Variants in DLGAP5 observed in about 807,000 individuals in gnomAD.
DLGAP5 encodes disks large-associated protein 5.
Under a neutral mutation model 99.6 loss-of-function variants are expected in DLGAP5, and 90 were observed. The ratio of observed to expected loss-of-function variants is 0.90; its 90% CI spans 0.76 to 1.08. The LOEUF (loss-of-function observed/expected upper bound fraction) is 1.08. Among genes scored for constraint, DLGAP5 ranks in the 50% least tolerant of loss-of-function variants. The pLI is 0.00. For synonymous variants in DLGAP5, 311 were observed against 321.3 expected, an observed-to-expected ratio of 0.97 and a Z score of 0.34; for missense variants, 1,036 against 983.5, an observed-to-expected ratio of 1.05 and a Z score of -0.71.
At chr14:55,155,621 T>C (rs1882189290) in intron 14 of DLGAP5, among the ~76,000 whole-genome samples, 1 of 152,054 alleles carries the variant, frequency 6.6e-6, no homozygotes, top group Non-Finnish European at 1.5e-5. Context: ...GTACTGGGAT[T>C]ACAGGTGTGA....
chr14:55,164,937 A>AAAAAAG (rs371578269), intron 12 of DLGAP5, among the ~76,000 whole-genome samples: 31 of 141,832 alleles, frequency 2.2e-4, no homozygotes, highest in Middle Eastern at 3.5e-3. Flanking sequence ...AAAAAAAAAA[A>AAAAAAG]GAGAAATTTG....
chr14:55,181,285 T>C lies in DLGAP5; in HGVS notation c.508A>G (p.Ser170Gly), dbSNP rs1468632006. Reference sequence around the variant, plus strand: ...CCAGGTCGGATTGCTCGAACATCACTCTCGTTATCAATCTATTTAAGAGAT... The same window carrying C: ...CCAGGTCGGATTGCTCGAACATCACCCTCGTTATCAATCTATTTAAGAGAT... ...QMEQTKIDNE[S>G]DVRAIRPGPR... The change falls in exon 5 of 19, where the codon AGT (serine) becomes GGT (glycine). Residue 170 changes from serine to glycine, a missense_variant. Ser to Gly is a moderately conservative substitution (Grantham distance 56). Transcript: ENST00000247191. The C allele has an allele frequency of 6.2e-7, 1 of 1,613,858 alleles. No individual in the cohort carries two copies. Among genetic ancestry groups the C allele is most frequent in the Non-Finnish European group, 8.5e-7 (1 of 1,179,910 alleles).
rs1882144027 is a variant in DLGAP5 at position 55,154,698 on chromosome 14, G to A, written c.1982C>T (p.Thr661Ile). 12 of 1,613,968 alleles carry A rather than the reference G, an allele frequency of 7.4e-6. No homozygotes were observed. In the South Asian group the frequency reaches 9.9e-5, roughly 13 times the overall value. The change falls in exon 15 of 19, where the codon ACA becomes ATA. Residue 661 changes from threonine (T) to isoleucine (I), a missense_variant. Physicochemically the swap from Thr to Ile is moderately conservative, Grantham distance 89. Transcript: ENST00000247191. ...CTGAGGACCGGCATTTTCTGGTGAT[G>A]TAGTTTGTTGTGGAATGCCCATCTC... ...RNEMGIPQQTTSPENAGPQNT... is the reference protein window; with the variant it reads ...RNEMGIPQQTISPENAGPQNT...
At chr14:55,155,593 C>A (rs1385287330) in intron 14 of DLGAP5, among the ~76,000 whole-genome samples, 1 of 151,964 alleles carries the variant, frequency 6.6e-6, no homozygotes, top group African/African-American at 2.4e-5. Context: ...GGTGATCCAC[C>A]TGCCTCAGCC....
intron 13 of DLGAP5, among the ~76,000 whole-genome samples, chr14:55,161,223 A>T (rs1303957371): frequency 6.6e-6 from 1 of 152,086 alleles, no homozygotes; most frequent in Non-Finnish European, 1.5e-5. Flanking sequence ...TCTATAGGAC[A>T]TAGCCATGAT....
chr14:55,171,619 G>A (rs1034749132), intron 10 of DLGAP5, among the ~76,000 whole-genome samples: 1 of 152,102 alleles, frequency 6.6e-6, no homozygotes, highest in Non-Finnish European at 1.5e-5. Context: ...CTACTTCTGG[G>A]TATACACCCA....
chr14:55,176,717 G>A (rs1477739665), intron 8 of DLGAP5, among the ~76,000 whole-genome samples: 1 of 151,928 alleles, frequency 6.6e-6, no homozygotes, highest in Non-Finnish European at 1.5e-5. Context: ...GGTGGCTCAC[G>A]CCTGTAATCC....
intron 7 of DLGAP5, among the ~76,000 whole-genome samples, chr14:55,177,754 G>A (rs1484720666): frequency 6.6e-6 from 1 of 151,308 alleles, no homozygotes; most frequent in African/African-American, 2.4e-5. Context: ...AGCCAGGATG[G>A]TCTCAATCTC....
At chr14:55,182,116 A>G (rs1022529420) in intron 4 of DLGAP5, among the ~76,000 whole-genome samples, 3 of 152,370 alleles carry the variant, frequency 2.0e-5, no homozygotes, top group South Asian at 4.1e-4. Context: ...CTTGGAATGC[A>G]TAATAGGAGC....
chr14:55,175,957 T>C lies in DLGAP5; in HGVS notation c.1111A>G (p.Thr371Ala), dbSNP rs1316449193. ...AATTTATTTGAATCTTGCTGTATTG[T>C]CTTGGTAGAGTAAGTTTTACATTTT... is the stretch of plus-strand genomic sequence containing the variant. ...AQKCKTYSTKTIQQDSNKLPC... is the reference protein window; with the variant it reads ...AQKCKTYSTKAIQQDSNKLPC... The change falls in exon 9 of 19, where the codon ACA becomes GCA. Residue 371 changes from threonine to alanine, a missense_variant. Transcript: ENST00000247191. 3 of 1,610,034 alleles carry C rather than the reference T, an allele frequency of 1.9e-6. No homozygotes were observed. The Admixed American group carries it at 5.0e-5, about 27-fold the overall frequency.
At chr14:55,148,640 AC>A in intron 18 of DLGAP5, 167 bp from the exon 19 acceptor site, 2 of 1,462,454 alleles carry the variant, frequency 1.4e-6, no homozygotes, top group Non-Finnish European at 1.8e-6. Context: ...GATCACTTGA[AC>A]CCAGGACTTC....
intron 2 of DLGAP5, among the ~76,000 whole-genome samples, chr14:55,187,708 C>G (rs1431768631): frequency 6.6e-6 from 1 of 151,902 alleles, no homozygotes; most frequent in Non-Finnish European, 1.5e-5. Context: ...ACCATTGTAG[C>G]ACACTGAAGC....
intron 12 of DLGAP5, among the ~76,000 whole-genome samples, chr14:55,164,884 T>C (rs1419288211): frequency 2.1e-5 from 3 of 144,342 alleles, no homozygotes; most frequent in African/African-American, 8.0e-5. Flanking sequence ...ATCATGCCAC[T>C]GCACTCTAGC....
At chr14:55,157,611 G>T (rs536700229) in intron 14 of DLGAP5, among the ~76,000 whole-genome samples, 1 of 152,082 alleles carries the variant, frequency 6.6e-6, no homozygotes, top group South Asian at 2.1e-4. Flanking sequence ...AACACTGTGA[G>T]AAAATCACAA....
At chr14:55,182,943 G>C (rs1883323665) in intron 3 of DLGAP5, among the ~76,000 whole-genome samples, 1 of 152,068 alleles carries the variant, frequency 6.6e-6, no homozygotes, top group Non-Finnish European at 1.5e-5. Context: ...GCCCACACAA[G>C]TTTAAGATTT....
chr14:55,190,945 C>T (rs1883595170), intron 1 of DLGAP5: 1 of 152,200 alleles, frequency 6.6e-6, no homozygotes, highest in Non-Finnish European at 1.5e-5. Context: ...ATCAGAATAA[C>T]CCTGAAAGGT....
intron 14 of DLGAP5, among the ~76,000 whole-genome samples, chr14:55,156,908 T>C (rs1239109292): frequency 1.3e-5 from 2 of 152,178 alleles, no homozygotes; most frequent in Non-Finnish European, 2.9e-5. Context: ...AGCATGAAAG[T>C]TGAGGAAATC....
At chr14:55,171,281 A>G (rs905041352) in intron 10 of DLGAP5, among the ~76,000 whole-genome samples, 2 of 152,170 alleles carry the variant, frequency 1.3e-5, no homozygotes, top group Non-Finnish European at 2.9e-5. Context: ...GCCCCATTCT[A>G]GGGAACATTT....
intron 13 of DLGAP5, among the ~76,000 whole-genome samples, chr14:55,161,408 A>ATTTTT (rs551424574): frequency 1.7e-5 from 2 of 115,904 alleles, no homozygotes; most frequent in Admixed American, 8.5e-5. Flanking sequence ...TAAAAAAAAA[A>ATTTTT]TTTTTTTTTT....
Sources: allele counts gnomAD v4.1 joint callset (sites outside exome capture counted in the v4.1 genomes callset), GRCh38; gene constraint gnomAD v4.1.1; transcripts MANE v1.5; gene names NCBI Gene and HGNC (gene_info 2026-07-23, HGNC 2026-07-21).